The following FNDC3B variants were observed in gnomAD, a reference collection of about 807,000 sequenced individuals.
The protein encoded by FNDC3B is fibronectin type III domain-containing protein 3B.
A neutral mutation model predicts 151.5 loss-of-function variants in FNDC3B; 12 were observed. The observed-to-expected ratio is 0.08, with a 90% CI of 0.05 to 0.13. The LOEUF is 0.13. Among genes scored for constraint, FNDC3B ranks in the 10% least tolerant of loss-of-function variants. FNDC3B has a pLI of 1.00. For synonymous variants in FNDC3B, 528 were observed against 549.0 expected, an observed-to-expected ratio of 0.96 and a Z score of 0.54; for missense variants, 1,214 against 1,505.3, an observed-to-expected ratio of 0.81 and a Z score of 3.20.
At chr3:172,063,014 C>G (rs1260692827) in intron 1 of FNDC3B, among the ~76,000 whole-genome samples, 5 of 152,174 alleles carry the variant, frequency 3.3e-5, no homozygotes, top group African/African-American at 1.2e-4. Flanking sequence ...ATATCTTGCT[C>G]TCATAGATTT....
intron 10 of FNDC3B, 123 bp from the exon 11 acceptor site, chr3:172,310,705 A>T: frequency 1.3e-6 from 1 of 758,014 alleles, no homozygotes; most frequent in African/African-American, 1.7e-5. Flanking sequence ...AGGAACCATC[A>T]GCTTTATCCC....
chr3:172,155,206 T>G (rs6790174), intron 3 of FNDC3B, among the ~76,000 whole-genome samples: 108,465 of 152,152 alleles, frequency 0.71, 39,689 homozygotes, highest in Non-Finnish European at 0.78. Flanking sequence ...CTGACTTAGA[T>G]AGTGGAAAAT....
intron 23 of FNDC3B, among the ~76,000 whole-genome samples, chr3:172,365,614 G>A (rs1015313929): frequency 2.6e-5 from 4 of 152,100 alleles, no homozygotes; most frequent in Non-Finnish European, 5.9e-5. Flanking sequence ...CCCCAGAATA[G>A]GACATTTGTT....
chr3:172,183,531 C>T (rs1724022093), intron 3 of FNDC3B, among the ~76,000 whole-genome samples: 1 of 152,170 alleles, frequency 6.6e-6, no homozygotes, highest in Non-Finnish European at 1.5e-5. Context: ...GGTCTTACTG[C>T]TGGTTTGCTT....
intron 3 of FNDC3B, among the ~76,000 whole-genome samples, chr3:172,216,892 C>G (rs970821791): frequency 3.3e-5 from 5 of 152,216 alleles, no homozygotes; most frequent in African/African-American, 9.6e-5. Flanking sequence ...TCTCAGAGGT[C>G]TTCTACCTAA....
intron 1 of FNDC3B, among the ~76,000 whole-genome samples, chr3:172,094,268 T>C (rs547431655): frequency 1.3e-5 from 2 of 152,292 alleles, no homozygotes; most frequent in Admixed American, 6.5e-5. Context: ...CTAGAACATT[T>C]TTGTCCCTTC....
chr3:172,231,384 G>A (rs911622074), intron 4 of FNDC3B, among the ~76,000 whole-genome samples: 1 of 152,138 alleles, frequency 6.6e-6, no homozygotes, highest in Non-Finnish European at 1.5e-5. Context: ...ACTTAACTGT[G>A]ACACTAAAAC....
At chr3:172,328,434 A>G (rs1027909174) in intron 11 of FNDC3B, among the ~76,000 whole-genome samples, 3 of 152,250 alleles carry the variant, frequency 2.0e-5, no homozygotes, top group Non-Finnish European at 2.9e-5. Context: ...AGGCCACTGC[A>G]TGGCAAGAAA....
Position 172,388,486 on chromosome 3 carries a change from C to T in FNDC3B, c.3303+7393C>T, listed in dbSNP as rs529438358. On this transcript the variant is annotated intron_variant, in intron 25 of 25. Coordinates refer to ENST00000415807, the MANE Select transcript of FNDC3B (RefSeq NM_022763.4). ...CAATAAAAAAAATCTCAAATGGAGC[C>T]ATGCCGTTTAAATTGGATTGAGTCA... Among the ~76,000 whole-genome samples the T allele has an allele frequency of 1.6e-4, 24 of 152,170 alleles. No individual in the cohort carries two copies. In the South Asian group the frequency reaches 3.7e-3, roughly 24 times the overall value.
chr3:172,278,820 A>AG (rs1491423075), intron 6 of FNDC3B, among the ~76,000 whole-genome samples: 1 of 152,046 alleles, frequency 6.6e-6, no homozygotes, highest in Non-Finnish European at 1.5e-5. Context: ...CCAGCTACTC[A>AG]GGGGGCTGAG....
intron 6 of FNDC3B, among the ~76,000 whole-genome samples, chr3:172,263,082 AATATATATAAAT>A: frequency 7.2e-6 from 1 of 139,336 alleles, no homozygotes; most frequent in African/African-American, 2.9e-5. Flanking sequence ...AATAAAAAGC[AATATATATAAAT>A]ATATATATAT....
At chr3:172,072,043 A>G (rs1228461035) in intron 1 of FNDC3B, among the ~76,000 whole-genome samples, 3 of 151,114 alleles carry the variant, frequency 2.0e-5, no homozygotes. Flanking sequence ...CTAGTAGTTC[A>G]TATGTCGGAA....
chr3:172,338,390 AG>A (rs1200154070), intron 16 of FNDC3B: 1 of 152,148 alleles, frequency 6.6e-6, no homozygotes. Flanking sequence ...GATAGTGAAA[AG>A]GGGTAGGTTC....
At chr3:172,199,186 A>ATT (rs59302352) in intron 3 of FNDC3B, among the ~76,000 whole-genome samples, 16 of 128,220 alleles carry the variant, frequency 1.2e-4, no homozygotes, top group African/African-American at 3.9e-4. Context: ...TTTATTTTTT[A>ATT]TTTTTTTTTT....
At chr3:172,347,662 G>C (rs1041788055) in intron 21 of FNDC3B, among the ~76,000 whole-genome samples, 2 of 152,160 alleles carry the variant, frequency 1.3e-5, no homozygotes, top group African/African-American at 4.8e-5. Context: ...AGGGAAAGAT[G>C]ACACAGCTCC....
rs146507467 is a variant in FNDC3B, at chr3:172,083,471, C to T, written c.-28-28981C>T. 1.6e-4 allele frequency among the ~76,000 whole-genome samples: 25 copies of T among 152,336 alleles called. 1 individual carries two copies. The highest frequency in any genetic ancestry group is 5.3e-4 in the African/African-American group (22 of 41,564). On this transcript the variant is annotated intron_variant, in intron 1 of 25. Coordinates refer to ENST00000415807, the MANE Select transcript of FNDC3B (RefSeq NM_022763.4). ...GAAGATACTACCTCATCTGTCTGTT[C>T]ACATTGCTCACTGCAAACATAACTT...
intron 3 of FNDC3B, among the ~76,000 whole-genome samples, chr3:172,175,085 T>C (rs1723514110): frequency 6.6e-6 from 1 of 151,968 alleles, no homozygotes; most frequent in Non-Finnish European, 1.5e-5. Context: ...TTCTCGCTGC[T>C]TTTGCTTTCT....
intron 23 of FNDC3B, among the ~76,000 whole-genome samples, chr3:172,371,065 A>T (rs1576954312): frequency 6.6e-6 from 1 of 152,126 alleles, no homozygotes; most frequent in East Asian, 1.9e-4. Flanking sequence ...TATCACACAG[A>T]GTTGTTTCCT....
intron 3 of FNDC3B, among the ~76,000 whole-genome samples, chr3:172,218,231 C>T (rs956619662): frequency 1.3e-5 from 2 of 150,926 alleles, no homozygotes; most frequent in African/African-American, 4.9e-5. Flanking sequence ...CCAAGATTTC[C>T]TAGAAATTGG....
Sources: gnomAD v4.1 joint callset for allele counts (sites outside exome capture counted in the v4.1 genomes callset) on GRCh38, gnomAD v4.1.1 for gene constraint, MANE v1.5 for transcripts, NCBI Gene and HGNC (gene_info 2026-07-23, HGNC 2026-07-21) for gene names.